The following PAH variants were observed in gnomAD, a reference collection of about 807,000 sequenced individuals.
PAH encodes phenylalanine-4-hydroxylase.
Under a neutral mutation model 62.0 loss-of-function variants are expected in PAH, and 64 were observed. The ratio of observed to expected loss-of-function variants is 1.03; its 90% CI spans 0.84 to 1.27. PAH has a LOEUF of 1.27. Among genes scored for constraint, PAH ranks in the 50% most tolerant of loss-of-function variants. The pLI is 0.00. For synonymous variants in PAH, 195 were observed against 196.2 expected, an observed-to-expected ratio of 0.99 and a Z score of 0.05; for missense variants, 579 against 542.8, an observed-to-expected ratio of 1.07 and a Z score of -0.66.
chr12:102,885,713 C>T (rs114475175), intron 3 of PAH, among the ~76,000 whole-genome samples: 22 of 152,282 alleles, frequency 1.4e-4, no homozygotes, highest in African/African-American at 5.3e-4. Flanking sequence ...TGCTTCCTGG[C>T]CAGTGGGTCA....
chr12:102,941,603 G>A (rs1449601821), intron 1 of PAH, among the ~76,000 whole-genome samples: 1 of 152,150 alleles, frequency 6.6e-6, no homozygotes, highest in South Asian at 2.1e-4. Context: ...CAACCAGAAG[G>A]CTTAACTATC....
intron 1 of PAH, among the ~76,000 whole-genome samples, chr12:102,923,267 G>A (rs1167907823): frequency 6.6e-6 from 1 of 152,208 alleles, no homozygotes; most frequent in African/African-American, 2.4e-5. Context: ...CCTTATGGAA[G>A]CTCAGCTCCT....
intron 3 of PAH, among the ~76,000 whole-genome samples, chr12:102,884,303 G>C (rs914832236): frequency 6.6e-6 from 1 of 152,328 alleles, no homozygotes; most frequent in African/African-American, 2.4e-5. Context: ...GTCGATCCCT[G>C]ATGTGGCTCA....
rs62517205 is a variant in PAH at position 102,855,241 on chromosome 12, G to A, written c.601C>T (p.His201Tyr). The A allele has an allele frequency of 6.2e-6, 10 of 1,614,042 alleles. No homozygotes were observed. The highest frequency in any genetic ancestry group is 8.5e-6 in the Non-Finnish European group (10 of 1,179,908). ...FKTLKSLYKT[H>Y]ACYEYNHIFP... Reference sequence around the variant, plus strand: ...ATGTGATTGTACTCATAGCAAGCATGGGTTTTATACAAGGACTTCAGAGTC... The same window carrying A: ...ATGTGATTGTACTCATAGCAAGCATAGGTTTTATACAAGGACTTCAGAGTC... Residue 201 changes from histidine to tyrosine, a missense_variant, in exon 6 of 13, where the codon CAT becomes TAT. Transcript: ENST00000553106.
chr12:102,873,496 G>A (rs1007847074), intron 4 of PAH, among the ~76,000 whole-genome samples: 19 of 152,158 alleles, frequency 1.2e-4, no homozygotes, highest in Admixed American at 1.1e-3. Flanking sequence ...GGTTGGCCAC[G>A]GAGATCTGGG....
chr12:102,902,007 A>C (rs1212314068), intron 2 of PAH, among the ~76,000 whole-genome samples: 1 of 152,244 alleles, frequency 6.6e-6, no homozygotes, highest in African/African-American at 2.4e-5. Flanking sequence ...GATGGTGGTC[A>C]GCACCATGGA....
rs192506227 is a variant in PAH, at chr12:102,862,784, T to C, written c.509+3812A>G. On this transcript the variant is annotated intron_variant, in intron 5 of 12. Transcript: ENST00000553106. ...CATTAGGCTCCAGATTAGGTCTTTC[T>C]TGCCCTTTCAGAATTGTACCTCATC... is the stretch of plus-strand genomic sequence containing the variant. Among the ~76,000 whole-genome samples the C allele has an allele frequency of 2.7e-3, 408 of 152,278 alleles. 3 individuals are homozygous for C. In the South Asian group the frequency reaches 0.041, roughly 15 times the overall value.
upstream of PAH, among the ~76,000 whole-genome samples, chr12:102,955,201 G>A (rs964233701): frequency 5.3e-5 from 8 of 152,222 alleles, no homozygotes; most frequent in African/African-American, 1.9e-4. Context: ...TGTGTAGGGG[G>A]GAGGAGGAGA....
Position 102,877,514 on chromosome 12 carries a change from C to T in PAH, c.389G>A (p.Arg130Lys). 6.2e-7 allele frequency: 1 copy of T among 1,614,130 alleles called. No homozygotes were observed. The highest frequency in any genetic ancestry group is 1.1e-5 in the South Asian group (1 of 91,084). Reference protein sequence around the residue: ...WFPRTIQELDRFANQILSYGA... With the variant: ...WFPRTIQELDKFANQILSYGA... ...ATAGCTGAGAATCTGATTGGCAAAT[C>T]TGTCCAGCTCTTGAATGGTTCTTGG... Residue 130 changes from arginine to lysine, a missense_variant, in exon 4 of 13, where the codon AGA becomes AAA. Transcript: ENST00000553106.
intron 1 of PAH, chr12:102,913,997 A>C (rs1302187372): frequency 1.6e-6 from 1 of 614,622 alleles, no homozygotes; most frequent in Non-Finnish European, 2.9e-6. Flanking sequence ...AATTAATGGA[A>C]TAGATGTTAC....
rs961427991 is a variant in PAH at position 102,957,264 on chromosome 12, G to C, written c.-96+931C>G. The stretch of plus-strand genomic sequence containing the variant: ...GCTTCAAGTTCTTAGTAGAATCCAA[G>C]AGAGCTTCACCCCAAGTCTTTCCAC... On this transcript the variant is annotated intron_variant, in intron 1 of 4. Transcript: ENST00000551337. This position sits in a 1 kb window ranked among gnomAD's most constrained non-coding sequence, Gnocchi z 4.1. Among the ~76,000 whole-genome samples the C allele has an allele frequency of 2.6e-5, 4 of 152,102 alleles. No homozygotes were observed. Among genetic ancestry groups the C allele is most frequent in the Non-Finnish European group, 4.4e-5 (3 of 68,022 alleles).
intron 3 of PAH, among the ~76,000 whole-genome samples, chr12:102,893,436 AG>A (rs1877364896): frequency 6.6e-6 from 1 of 152,124 alleles, no homozygotes; most frequent in South Asian, 2.1e-4. Flanking sequence ...TAAAATAAAA[AG>A]TCTATTAAAA....
intron 3 of PAH, among the ~76,000 whole-genome samples, chr12:102,889,140 T>C (rs911954678): frequency 6.6e-6 from 1 of 152,180 alleles, no homozygotes; most frequent in African/African-American, 2.4e-5. Context: ...TGAAAAATCT[T>C]GTCTCCTAAA....
At chr12:102,843,227 A>C (rs866743277) in intron 11 of PAH, among the ~76,000 whole-genome samples, 1 of 152,222 alleles carries the variant, frequency 6.6e-6, no homozygotes, top group Non-Finnish European at 1.5e-5. Flanking sequence ...ATGAGTAGAA[A>C]TAAGTTGGTT....
chr12:102,889,534 G>GGATAGATAGATAGATA (rs201300617), intron 3 of PAH, among the ~76,000 whole-genome samples: 30 of 150,552 alleles, frequency 2.0e-4, no homozygotes, highest in African/African-American at 3.9e-4. Flanking sequence ...ATAGATAGAC[G>GGATAGATAGATAGATA]GATAGATAGA....
chr12:102,903,761 G>A lies in PAH; in HGVS notation c.169-8843C>T, dbSNP rs1452413911. 2.0e-5 allele frequency among the ~76,000 whole-genome samples: 3 copies of A among 152,296 alleles called. No individual in the cohort carries two copies. In the East Asian group the frequency reaches 5.8e-4, roughly 29 times the overall value. On this transcript the variant is annotated intron_variant, in intron 2 of 12. Coordinates refer to ENST00000553106, the MANE Select transcript of PAH (RefSeq NM_000277.3). ...GCCTCTGTGTCTTCATCAATTGAATGATGCTGTCTTTGAACCTACCCACAT... is the reference window on the plus strand; with the variant it reads ...GCCTCTGTGTCTTCATCAATTGAATAATGCTGTCTTTGAACCTACCCACAT...
rs182557983 is a variant in PAH at position 102,877,639 on chromosome 12, A to G, written c.353-89T>C. On this transcript the variant is annotated intron_variant, in intron 3 of 12. Coordinates refer to ENST00000553106, the MANE Select transcript of PAH (RefSeq NM_000277.3). ...GAGATCAGAAGTGGGGATCCCAGCC[A>G]ATGGTGATGGCAAGTGGGCTGGCTT... 4.6e-3 allele frequency: 4,325 copies of G among 939,342 alleles called. 85 individuals carry two copies. Among genetic ancestry groups the G allele is most frequent in the South Asian group, 0.036 (2,796 of 77,054 alleles). The allele number at this position is 939,342 out of a possible 1,614,324, so 58.2% of individuals were successfully genotyped here. A position where few individuals can be genotyped will look rare whatever the true frequency, so the allele number is the denominator to read the frequency against.
rs1221179771 is a variant in PAH, at chr12:102,837,161, A to G, written c.*2014T>C. The G allele has an allele frequency of 6.6e-6, 1 of 152,248 alleles. No individual in the cohort carries two copies. The highest frequency in any genetic ancestry group is 1.5e-5 in the Non-Finnish European group (1 of 68,036). The allele number at this position is 152,248 out of a possible 1,614,324, so 9.4% of individuals were successfully genotyped here. A position where few individuals can be genotyped will look rare whatever the true frequency, so the allele number is the denominator to read the frequency against. On this transcript the variant is annotated 3_prime_UTR_variant, in exon 13 of 13. Coordinates refer to ENST00000553106, the MANE Select transcript of PAH (RefSeq NM_000277.3). ...ATATTGGAAATTTATTAAATCCCAT[A>G]GCTATAGACTGGGCTTTTATATCTG... is the stretch of plus-strand genomic sequence containing the variant.
chr12:102,873,495 C>T (rs767549288), intron 4 of PAH, among the ~76,000 whole-genome samples: 27 of 152,144 alleles, frequency 1.8e-4, no homozygotes, highest in African/African-American at 2.7e-4. Context: ...GGGTTGGCCA[C>T]GGAGATCTGG....
Sources: gnomAD v4.1 joint callset for allele counts (sites outside exome capture counted in the v4.1 genomes callset) on GRCh38, gnomAD v4.1.1 for gene constraint, Gnocchi (gnomAD v3.1) non-coding constraint, MANE v1.5 for transcripts, NCBI Gene and HGNC (gene_info 2026-07-23, HGNC 2026-07-21) for gene names.